The following TNKS variants were observed in gnomAD, a reference collection of about 807,000 sequenced individuals.
TNKS encodes tankyrase, also known as poly [ADP-ribose] polymerase tankyrase-1.
Under a neutral mutation model 135.8 loss-of-function variants are expected in TNKS, and 72 were observed. The ratio of observed to expected loss-of-function variants is 0.53; its 90% CI spans 0.44 to 0.64. The LOEUF is 0.64. TNKS is among the 30% of genes least tolerant of loss of function. The pLI, the probability that TNKS is intolerant of heterozygous loss-of-function variation, is 0.00. For synonymous variants in TNKS, 849 were observed against 649.3 expected (o/e 1.31, Z -4.68); for missense variants, 1,769 against 1,674.0 (o/e 1.06, Z -0.99).
intron 5 of TNKS, among the ~76,000 whole-genome samples, chr8:9,702,975 G>A (rs765414699): frequency 3.3e-5 from 5 of 152,084 alleles, no homozygotes; most frequent in African/African-American, 9.7e-5. Context: ...GAGATCAAGC[G>A]ACTGCACTCC....
rs184739959 is a variant in TNKS at position 9,747,008 on chromosome 8, G to A, written c.2644-1016G>A. On this transcript the variant is annotated intron_variant, in intron 17 of 26. Transcript: ENST00000310430. Reference sequence around the variant, plus strand: ...AGTGATTCTCTTGCCTCAGCCTCCCGAGTAGCTTGGATTACAGGCATGCAC... The same window carrying A: ...AGTGATTCTCTTGCCTCAGCCTCCCAAGTAGCTTGGATTACAGGCATGCAC... Among the ~76,000 whole-genome samples, 86 of 149,290 alleles carry A rather than the reference G, an allele frequency of 5.8e-4. No individual in the cohort carries two copies. In the East Asian group the frequency reaches 0.015, roughly 26 times the overall value.
At chr8:9,605,952 C>A (rs1176060126) in intron 2 of TNKS, among the ~76,000 whole-genome samples, 1 of 151,864 alleles carries the variant, frequency 6.6e-6, no homozygotes, top group East Asian at 1.9e-4. Flanking sequence ...TTTGATAAAA[C>A]ACAGTTTATT....
At chr8:9,749,424 G>C (rs1217277191) in intron 18 of TNKS, among the ~76,000 whole-genome samples, 2 of 151,914 alleles carry the variant, frequency 1.3e-5, no homozygotes, top group Non-Finnish European at 2.9e-5. Context: ...TCTGCTCCCA[G>C]GGAGTGGTTC....
intron 2 of TNKS, among the ~76,000 whole-genome samples, chr8:9,605,431 TATG>T (rs1433493032): frequency 3.9e-5 from 6 of 152,246 alleles, no homozygotes; most frequent in African/African-American, 1.2e-4. Context: ...TAAATAAACA[TATG>T]ATCATTCACA....
chr8:9,674,463 G>T lies in TNKS; in HGVS notation c.995-5488G>T, dbSNP rs1383163155. Among the ~76,000 whole-genome samples, 5 of 152,278 alleles carry T rather than the reference G, an allele frequency of 3.3e-5. No individual in the cohort carries two copies. In the East Asian group the frequency reaches 7.7e-4, roughly 23 times the overall value. On this transcript the variant is annotated intron_variant, in intron 3 of 26. Transcript: ENST00000310430. ...TTAAGAGTAAAGAATATGGAAAATG[G>T]TTATTAGGGTAAAAGGTAACTTCTT...
chr8:9,720,362 A>G lies in TNKS; in HGVS notation c.1750-12A>G. The G allele has an allele frequency of 6.3e-7, 1 of 1,579,562 alleles. No homozygotes were observed. The highest frequency in any genetic ancestry group is 8.6e-7 in the Non-Finnish European group (1 of 1,162,150). On this transcript the variant is annotated splice_polypyrimidine_tract_variant and intron_variant, in intron 11 of 26. Coordinates refer to ENST00000310430, the MANE Select transcript of TNKS (RefSeq NM_003747.3). ...ATGCTCAATTCCATGTGCCCACGCAATGATTTTTCAGATGAATGCACTGGA... is the reference window on the plus strand; with the variant it reads ...ATGCTCAATTCCATGTGCCCACGCAGTGATTTTTCAGATGAATGCACTGGA...
At chr8:9,679,185 C>T (rs1018310736) in intron 3 of TNKS, among the ~76,000 whole-genome samples, 1 of 152,110 alleles carries the variant, frequency 6.6e-6, no homozygotes, top group African/African-American at 2.4e-5. Flanking sequence ...GATATCTGCT[C>T]ATTCTCAAAG....
chr8:9,659,999 A>C (rs367685281), intron 3 of TNKS, among the ~76,000 whole-genome samples: 5 of 152,346 alleles, frequency 3.3e-5, no homozygotes, highest in South Asian at 2.1e-4. Flanking sequence ...GAAATGGATA[A>C]ATTCCTCGAC....
intron 3 of TNKS, among the ~76,000 whole-genome samples, chr8:9,676,335 A>G (rs1441579800): frequency 6.6e-6 from 1 of 152,068 alleles, no homozygotes; most frequent in Non-Finnish European, 1.5e-5. Flanking sequence ...TTAGCCTCTC[A>G]TTGCTTTAAG....
intron 26 of TNKS, among the ~76,000 whole-genome samples, chr8:9,772,630 T>C (rs972615380): frequency 6.6e-6 from 1 of 152,014 alleles, no homozygotes; most frequent in African/African-American, 2.4e-5. Flanking sequence ...ACTGACAGAA[T>C]TGGAATATGG....
At chr8:9,596,630 C>T (rs1227618480) in intron 2 of TNKS, among the ~76,000 whole-genome samples, 1 of 152,184 alleles carries the variant, frequency 6.6e-6, no homozygotes, top group African/African-American at 2.4e-5. Flanking sequence ...ACTTACCAAG[C>T]ATTCCCACTG....
intron 5 of TNKS, among the ~76,000 whole-genome samples, chr8:9,693,499 C>T (rs929319030): frequency 6.6e-6 from 1 of 151,978 alleles, no homozygotes; most frequent in African/African-American, 2.4e-5. Flanking sequence ...AGTATTTTCT[C>T]TACTGTTTGA....
Position 9,580,241 on chromosome 8 carries a change from G to C in TNKS, c.756G>C (p.Pro252=), listed in dbSNP as rs759481250. ...VHARDDGGLI[P]LHNACSFGHA... is the part of the protein sequence containing the mutation. ...CTCGTGATGATGGAGGTCTCATCCC[G>C]CTTCATAATGCCTGTTCTTTTGGCC... Residue 252 remains proline, a synonymous_variant, in exon 2 of 27, where the codon CCG becomes CCC. Coordinates refer to ENST00000310430, the MANE Select transcript of TNKS (RefSeq NM_003747.3). 3 of 1,614,096 alleles carry C rather than the reference G, an allele frequency of 1.9e-6. No homozygotes were observed. The highest frequency in any genetic ancestry group is 3.3e-4 in the Middle Eastern group (2 of 6,062).
At chr8:9,562,095 G>C (rs1797358877) in intron 1 of TNKS, among the ~76,000 whole-genome samples, 1 of 152,112 alleles carries the variant, frequency 6.6e-6, no homozygotes, top group Non-Finnish European at 1.5e-5. Context: ...GGGATTACAG[G>C]AGTGACCCAC....
chr8:9,656,765 C>T (rs998846925), intron 3 of TNKS, among the ~76,000 whole-genome samples: 51 of 151,208 alleles, frequency 3.4e-4, no homozygotes, highest in Admixed American at 1.1e-3. Flanking sequence ...GAGGACCCCA[C>T]GGCCTTCCGC....
At chr8:9,629,071 AT>A (rs1227421076) in intron 3 of TNKS, among the ~76,000 whole-genome samples, 17 of 152,198 alleles carry the variant, frequency 1.1e-4, no homozygotes, top group Admixed American at 1.1e-3. Context: ...GCCAGCAAAC[AT>A]TCTGATTTAT....
At chr8:9,768,720 G>C (rs142383150) in intron 25 of TNKS, among the ~76,000 whole-genome samples, 1 of 152,312 alleles carries the variant, frequency 6.6e-6, no homozygotes, top group East Asian at 1.9e-4. Context: ...AGAATCTAAC[G>C]ACAACATAGC....
chr8:9,568,581 T>G (rs1037127167), intron 1 of TNKS, among the ~76,000 whole-genome samples: 1 of 152,216 alleles, frequency 6.6e-6, no homozygotes, highest in African/African-American at 2.4e-5. Context: ...AAGAAGCTAT[T>G]TTCTAAAGGA....
rs1319502506 is a variant in TNKS at position 9,707,417 on chromosome 8, T to TACGTTCTTG, written c.1456+421_1456+429dup. On this transcript the variant is annotated intron_variant, in intron 8 of 26. Transcript: ENST00000310430. ...GCATTATTGAAACCTCTTATGGGCT[T>TACGTTCTTG]ACGTTCTTGTGCCATTGACAGTGAC... Among the ~76,000 whole-genome samples the TACGTTCTTG allele has an allele frequency of 7.2e-5, 11 of 152,282 alleles. No homozygotes were observed. The East Asian group carries it at 2.1e-3, about 29-fold the overall frequency.
Sources: gnomAD v4.1 joint callset for allele counts (sites outside exome capture counted in the v4.1 genomes callset) on GRCh38, gnomAD v4.1.1 for gene constraint, MANE v1.5 for transcripts, NCBI Gene and HGNC (gene_info 2026-07-23, HGNC 2026-07-21) for gene names.